Variants in PARP16 observed in about 807,000 individuals in gnomAD.
PARP16 encodes the protein poly(ADP-ribose) polymerase family member 16.
In PARP16, 31 loss-of-function variants were observed where a neutral mutation model predicts 35.0. The ratio of observed to expected loss-of-function variants is 0.88; its 90% CI spans 0.66 to 1.19. The LOEUF (loss-of-function observed/expected upper bound fraction) is 1.19. PARP16 is among the 50% of genes most tolerant of loss of function. The pLI is 0.00. For synonymous variants in PARP16, 162 were observed against 169.5 expected, an observed-to-expected ratio of 0.96 and a Z score of 0.34; for missense variants, 424 against 411.2, an observed-to-expected ratio of 1.03 and a Z score of -0.27.
At chr15:65,244,005 C>T (rs980697335) in intron 3 of PARP16, among the ~76,000 whole-genome samples, 1 of 152,112 alleles carries the variant, frequency 6.6e-6, no homozygotes, top group Non-Finnish European at 1.5e-5. Context: ...CACCATGTTC[C>T]AGTAATATGG....
chr15:65,263,021 C>G (rs1045913434), intron 4 of PARP16, 128 bp downstream of exon 4: 4 of 803,152 alleles, frequency 5.0e-6, no homozygotes, highest in Non-Finnish European at 8.1e-6. Flanking sequence ...GGACCCTGTC[C>G]GGCACTGCCC....
intron 1 of PARP16, among the ~76,000 whole-genome samples, chr15:65,284,811 CTTTTTTTT>C (rs35683940): frequency 4.2e-5 from 3 of 72,216 alleles, no homozygotes; most frequent in Non-Finnish European, 7.6e-5. Flanking sequence ...AATCCAACGT[CTTTTTTTT>C]TTTTTTTTTT....
downstream of PARP16, among the ~76,000 whole-genome samples, chr15:65,233,555 G>GA (rs770866077): frequency 6.6e-6 from 1 of 152,020 alleles, no homozygotes; most frequent in Non-Finnish European, 1.5e-5. Context: ...GGCCAACATG[G>GA]AAAAAACCCA....
Position 65,286,340 on chromosome 15 carries a change from C to G in PARP16, c.87G>C (p.Ser29=), listed in dbSNP as rs1374827198. 1.2e-6 allele frequency: 2 copies of G among 1,601,888 alleles called. No homozygotes were observed. Among genetic ancestry groups the G allele is most frequent in the Non-Finnish European group, 1.7e-6 (2 of 1,175,680 alleles). ...AADLRCSLFA[S]ALQSYKRDSV... Reference sequence around the variant, plus strand: ...AGTCGCGCTTGTAGCTCTGCAGGGCCGAGGCGAAGAGGCTGCACCGGAGGT... The same window carrying G: ...AGTCGCGCTTGTAGCTCTGCAGGGCGGAGGCGAAGAGGCTGCACCGGAGGT... The change falls in exon 1 of 6, where the codon TCG becomes TCC. Residue 29 remains serine, a synonymous_variant. Transcript: ENST00000649807.
Position 65,260,919 on chromosome 15 carries a change from A to G in PARP16, c.799T>C (p.Tyr267His), listed in dbSNP as rs1334710224. ...GGCTTCTGTGAATACACCAGGAGGT[A>G]CTTCACTCGCAGCAGCTGGTTATTG... ...VTNNQLLRVKYLLVYSQKPPK... is the reference protein window; with the variant it reads ...VTNNQLLRVKHLLVYSQKPPK... The change falls in exon 5 of 6, where the codon TAC (tyrosine) becomes CAC (histidine). Residue 267 changes from tyrosine (Y) to histidine (H), a missense_variant. By Grantham distance (83) the Tyr-to-His change is moderately conservative. Coordinates refer to ENST00000649807, the MANE Select transcript of PARP16 (RefSeq NM_001316943.2). 1 of 1,613,916 alleles carries G rather than the reference A, an allele frequency of 6.2e-7. No homozygotes were observed.
In PARP16 at chr15:65,259,363, T is replaced by A. The variant is rs746549372; in HGVS notation, c.*44A>T. Reference sequence around the variant, plus strand: ...ATAGGAGGTACAGAACAAGTTACCATAAGGCACATAGTTGAGGTAGCCCCC... The same window carrying A: ...ATAGGAGGTACAGAACAAGTTACCAAAAGGCACATAGTTGAGGTAGCCCCC... On this transcript the variant is annotated 3_prime_UTR_variant, in exon 6 of 6. Coordinates refer to ENST00000649807, the MANE Select transcript of PARP16 (RefSeq NM_001316943.2). The A allele has an allele frequency of 5.6e-6, 9 of 1,607,984 alleles. No individual in the cohort carries two copies. The highest frequency in any genetic ancestry group is 1.1e-5 in the South Asian group (1 of 90,816).
downstream of PARP16, among the ~76,000 whole-genome samples, chr15:65,254,362 C>T (rs1303847761): frequency 6.6e-6 from 1 of 152,196 alleles, no homozygotes; most frequent in Non-Finnish European, 1.5e-5. Context: ...AGGTTGGAGA[C>T]GCATGCAAAG....
rs182710277 is a variant in PARP16, at chr15:65,272,097, G to A, written c.175-1025C>T. 2.8e-3 allele frequency among the ~76,000 whole-genome samples: 427 copies of A among 152,310 alleles called. 2 individuals are homozygous for A. Among genetic ancestry groups the A allele is most frequent in the Non-Finnish European group, 3.5e-3 (235 of 68,014 alleles). On this transcript the variant is annotated intron_variant, in intron 1 of 5. Coordinates refer to ENST00000649807, the MANE Select transcript of PARP16 (RefSeq NM_001316943.2). ...GCAGTTCCTGCACCCACCCCATGTGGATCTCATCTCTTTACTCCCAAGTTT... is the reference window on the plus strand; with the variant it reads ...GCAGTTCCTGCACCCACCCCATGTGAATCTCATCTCTTTACTCCCAAGTTT...
rs767641011 is a variant in PARP16, at chr15:65,286,354, T to C, written c.73A>G (p.Ser25Gly). The change falls in exon 1 of 6, where the codon AGC becomes GGC. Residue 25 changes from serine to glycine, a missense_variant. Ser to Gly is a moderately conservative substitution (Grantham distance 56, BLOSUM62 0). Coordinates refer to ENST00000649807, the MANE Select transcript of PARP16 (RefSeq NM_001316943.2). ...CTCTGCAGGGCCGAGGCGAAGAGGC[T>C]GCACCGGAGGTCGGCGGCCAGCATG... ...RDMLAADLRC[S>G]LFASALQSYK... 3.1e-6 allele frequency: 5 copies of C among 1,591,686 alleles called. No individual in the cohort carries two copies. Among genetic ancestry groups the C allele is most frequent in the Admixed American group, 1.8e-5 (1 of 57,140 alleles).
chr15:65,245,921 C>T (rs1595987245), intron 3 of PARP16, among the ~76,000 whole-genome samples: 1 of 152,252 alleles, frequency 6.6e-6, no homozygotes, highest in Non-Finnish European at 1.5e-5. Flanking sequence ...AGTTCTGGCC[C>T]CAAGCAGAGC....
At chr15:65,238,320 CA>C (rs1227042944) in intron 3 of PARP16, among the ~76,000 whole-genome samples, 3 of 152,268 alleles carry the variant, frequency 2.0e-5, no homozygotes, top group African/African-American at 7.2e-5. Flanking sequence ...CTAATATCCT[CA>C]AATTTTATCT....
At chr15:65,277,471 C>T (rs116768352) in intron 1 of PARP16, among the ~76,000 whole-genome samples, 48 of 152,336 alleles carry the variant, frequency 3.2e-4, no homozygotes, top group African/African-American at 1.1e-3. Context: ...AGAGTAATAG[C>T]TACTATTAAT....
intron 3 of PARP16, among the ~76,000 whole-genome samples, chr15:65,235,004 G>A (rs1422778870): frequency 6.6e-6 from 1 of 152,052 alleles, no homozygotes; most frequent in African/African-American, 2.4e-5. Context: ...CAAAAAAAAG[G>A]GGTGGGGGAG....
At chr15:65,281,197 C>G (rs1265655989) in intron 1 of PARP16, among the ~76,000 whole-genome samples, 3 of 152,186 alleles carry the variant, frequency 2.0e-5, no homozygotes, top group African/African-American at 7.2e-5. Context: ...AGTGACAAAC[C>G]TGAAGTTCGG....
chr15:65,286,746 G>A lies in PARP16; in HGVS notation c.-320C>T, dbSNP rs2090613438. On this transcript the variant is annotated 5_prime_UTR_variant, in exon 1 of 6. Transcript: ENST00000649807. Reference sequence around the variant, plus strand: ...GTTCCCGGCCTAGGGGAAGGGCTATGACAATGGAATGACAACCGCGGGAAC... The same window carrying A: ...GTTCCCGGCCTAGGGGAAGGGCTATAACAATGGAATGACAACCGCGGGAAC... The A allele has an allele frequency of 6.0e-6, 2 of 334,618 alleles. No individual in the cohort carries two copies. The highest frequency in any genetic ancestry group is 2.0e-4 in the South Asian group (2 of 9,902). 20.7% of individuals were successfully genotyped at this position (334,618 alleles called of 1,614,324 possible). A position where few individuals can be genotyped will look rare whatever the true frequency, so the allele number is the denominator to read the frequency against.
At chr15:65,237,105 C>T (rs545953845) in intron 3 of PARP16, among the ~76,000 whole-genome samples, 167 of 151,854 alleles carry the variant, frequency 1.1e-3, no homozygotes, top group African/African-American at 3.7e-3. Flanking sequence ...CCCAGCCAGA[C>T]GCTGAGTCAG....
intron 2 of PARP16, among the ~76,000 whole-genome samples, chr15:65,249,762 G>C (rs1567013001): frequency 6.6e-6 from 1 of 152,256 alleles, no homozygotes; most frequent in Non-Finnish European, 1.5e-5. Context: ...TGAGCAGGCA[G>C]TGGGGGTGGA....
At chr15:65,246,806 C>T (rs1258350086) in intron 3 of PARP16, among the ~76,000 whole-genome samples, 1 of 152,136 alleles carries the variant, frequency 6.6e-6, no homozygotes, top group East Asian at 1.9e-4. Flanking sequence ...AGATTTTCTC[C>T]CCCACTGTCC....
rs1372430646 is a variant in PARP16, at chr15:65,263,149, CCTT to C, written c.688_690del (p.Lys230del). On this transcript the variant is annotated inframe_deletion and splice_region_variant, in exon 4 of 6. Transcript: ENST00000649807. ...AGGTCTGGACCAAGTGCTCACTCAC[CCTT>C]CTTCTTGGTTTGGCACTTGACGTCC... is the stretch of plus-strand genomic sequence containing the variant. 6.8e-6 allele frequency: 11 copies of C among 1,613,416 alleles called. No individual in the cohort carries two copies. The highest frequency in any genetic ancestry group is 2.2e-5 in the East Asian group (1 of 44,840).
Sources: gnomAD v4.1 joint callset for allele counts (sites outside exome capture counted in the v4.1 genomes callset) on GRCh38, gnomAD v4.1.1 for gene constraint, MANE v1.5 for transcripts, NCBI Gene and HGNC (gene_info 2026-07-23, HGNC 2026-07-21) for gene names.